The following ZNRF1 variants were observed in gnomAD, a reference collection of about 807,000 sequenced individuals.
ZNRF1 encodes zinc and ring finger 1.
In ZNRF1, 3 loss-of-function variants were observed where a neutral mutation model predicts 18.4. The ratio of observed to expected loss-of-function variants is 0.16; its 90% CI spans 0.07 to 0.42. The LOEUF (loss-of-function observed/expected upper bound fraction) is 0.42, where lower values mean the gene tolerates loss of function less well. ZNRF1 is among the 10% of genes least tolerant of loss of function. The probability of loss-of-function intolerance (pLI) is 0.99; values close to 1 mark genes in which losing one functional copy is unlikely to be tolerated. For synonymous variants in ZNRF1, 157 were observed against 144.2 expected (o/e 1.09, Z -0.64); for missense variants, 310 against 329.8 (o/e 0.94, Z 0.47).
chr16:75,055,041 C>G (rs929958682), intron 1 of ZNRF1, among the ~76,000 whole-genome samples: 1 of 152,138 alleles, frequency 6.6e-6, no homozygotes, highest in Admixed American at 6.6e-5. Context: ...GAAAGACGGC[C>G]CTTTGTAACA....
chr16:75,018,635 A>G (rs1160248405), intron 1 of ZNRF1, among the ~76,000 whole-genome samples: 6 of 152,050 alleles, frequency 3.9e-5, no homozygotes, highest in East Asian at 1.9e-4. Flanking sequence ...TTTTCCTTGT[A>G]TTTATTCAGA....
intron 2 of ZNRF1, among the ~76,000 whole-genome samples, chr16:75,102,281 G>T (rs572662736): frequency 2.0e-5 from 3 of 152,216 alleles, no homozygotes; most frequent in African/African-American, 7.2e-5. Flanking sequence ...GAGGGTCCCA[G>T]TCCCAGCCCC....
At chr16:75,021,120 A>G (rs1386416094) in intron 1 of ZNRF1, among the ~76,000 whole-genome samples, 1 of 152,104 alleles carries the variant, frequency 6.6e-6, no homozygotes, top group Non-Finnish European at 1.5e-5. Context: ...AGCTCAGTGC[A>G]ACGTCCACCT....
At chr16:75,085,685 C>T (rs1024090300) in intron 1 of ZNRF1, among the ~76,000 whole-genome samples, 18 of 151,780 alleles carry the variant, frequency 1.2e-4, no homozygotes, top group East Asian at 3.9e-4. Flanking sequence ...ACATCTTCAC[C>T]GACATTACCA....
At chr16:75,080,101 A>C (rs2035991307) in intron 1 of ZNRF1, among the ~76,000 whole-genome samples, 1 of 152,134 alleles carries the variant, frequency 6.6e-6, no homozygotes, top group Admixed American at 6.5e-5. Flanking sequence ...TACTTAGTAG[A>C]GATGGGGTTT....
intron 1 of ZNRF1, 121 bp downstream of exon 1, chr16:75,000,216 G>T: frequency 7.2e-7 from 1 of 1,381,182 alleles, no homozygotes; most frequent in Non-Finnish European, 1.0e-6. Context: ...ATTCCCTTTG[G>T]TTCCCGATGC....
At chr16:75,001,616 A>T (rs1412280155) in intron 1 of ZNRF1, among the ~76,000 whole-genome samples, 3 of 152,172 alleles carry the variant, frequency 2.0e-5, no homozygotes, top group Non-Finnish European at 4.4e-5. Context: ...TTTTGAGATG[A>T]CTAGTTTGGT....
intron 2 of ZNRF1, among the ~76,000 whole-genome samples, chr16:75,102,818 C>G (rs954145235): frequency 5.3e-5 from 8 of 152,222 alleles, no homozygotes; most frequent in Non-Finnish European, 1.0e-4. Context: ...ATGCTTTCCT[C>G]CTGGGCACCC....
rs151169347 is a variant in ZNRF1, at chr16:75,077,736, G to A, written c.425-15836G>A. On this transcript the variant is annotated intron_variant, in intron 1 of 4. Transcript: ENST00000335325. ...TGTCTGCAGTGCTGTGCTGCTTCTG[G>A]AGGCTCTAGGGGAGAATCCATTTCC... Among the ~76,000 whole-genome samples, 385 of 152,240 alleles carry A rather than the reference G, an allele frequency of 2.5e-3. 7 individuals are homozygous for A. Among genetic ancestry groups the A allele is most frequent in the Non-Finnish European group, 8.4e-4 (57 of 68,016 alleles).
At chr16:75,040,282 C>T (rs8062136) in intron 1 of ZNRF1, among the ~76,000 whole-genome samples, 133,004 of 151,628 alleles carry the variant, frequency 0.88, 58,780 homozygotes, top group Non-Finnish European at 0.93. Context: ...AAAACAAGGG[C>T]GTCACTCTGC....
chr16:75,058,106 CTTT>C (rs35226969), intron 1 of ZNRF1, among the ~76,000 whole-genome samples: 12 of 140,226 alleles, frequency 8.6e-5, no homozygotes, highest in Non-Finnish European at 1.1e-4. Flanking sequence ...CTTTCCTTTT[CTTT>C]TTTTTTTTTT....
chr16:75,007,882 T>C (rs2034942721), intron 1 of ZNRF1, among the ~76,000 whole-genome samples: 1 of 152,182 alleles, frequency 6.6e-6, no homozygotes, highest in Non-Finnish European at 1.5e-5. Flanking sequence ...TATTTTTCTT[T>C]AGAGAAAGGT....
intron 1 of ZNRF1, among the ~76,000 whole-genome samples, chr16:75,090,443 C>T (rs2036123692): frequency 6.6e-6 from 1 of 152,156 alleles, no homozygotes; most frequent in South Asian, 2.1e-4. Context: ...GTCTCAAACT[C>T]CTGAGTCCAA....
In ZNRF1 at chr16:75,000,115, A is replaced by G. The variant is rs768798191; in HGVS notation, c.424+20A>G. ...ATAGTGGTGAGTCCGCGGGTGGTGG[A>G]GGCCTCGGAGGGAGGGCGCGCCGGG... On this transcript the variant is annotated intron_variant, in intron 1 of 4. Coordinates refer to ENST00000335325, the MANE Select transcript of ZNRF1 (RefSeq NM_032268.5). 1 of 1,589,404 alleles carries G rather than the reference A, an allele frequency of 6.3e-7. No individual in the cohort carries two copies. Among genetic ancestry groups the G allele is most frequent in the South Asian group, 1.1e-5 (1 of 87,138 alleles).
At chr16:75,040,629 A>G (rs1340207029) in intron 1 of ZNRF1, among the ~76,000 whole-genome samples, 1 of 89,632 alleles carries the variant, frequency 1.1e-5, no homozygotes, top group Non-Finnish European at 2.0e-5. Flanking sequence ...TTTTTGAGAC[A>G]GAGTTTTGCT....
Position 75,058,086 on chromosome 16 carries a change from G to A in ZNRF1, c.425-35486G>A, listed in dbSNP as rs534136871. On this transcript the variant is annotated intron_variant, in intron 1 of 4. Coordinates refer to ENST00000335325, the MANE Select transcript of ZNRF1 (RefSeq NM_032268.5). Reference sequence around the variant, plus strand: ...CTCTAAATACACTGATACTTGACCTGCCCTTTTTCCTTTCCTTTTCTTTTT... The same window carrying A: ...CTCTAAATACACTGATACTTGACCTACCCTTTTTCCTTTCCTTTTCTTTTT... Among the ~76,000 whole-genome samples, 14 of 146,274 alleles carry A rather than the reference G, an allele frequency of 9.6e-5. No individual in the cohort carries two copies. In the East Asian group the frequency reaches 2.4e-3, roughly 25 times the overall value.
intron 1 of ZNRF1, among the ~76,000 whole-genome samples, chr16:75,091,921 G>A (rs957366265): frequency 1.3e-5 from 2 of 152,056 alleles, no homozygotes; most frequent in African/African-American, 2.4e-5. Flanking sequence ...ATAAACAGTC[G>A]ATTAAGATGG....
chr16:75,070,061 C>G (rs2035851567), intron 1 of ZNRF1, among the ~76,000 whole-genome samples: 1 of 152,222 alleles, frequency 6.6e-6, no homozygotes, highest in Non-Finnish European at 1.5e-5. Flanking sequence ...AATCCATACA[C>G]TTTCTGCCAG....
intron 2 of ZNRF1, among the ~76,000 whole-genome samples, chr16:75,099,505 C>T (rs576782984): frequency 1.1e-4 from 16 of 152,186 alleles, no homozygotes; most frequent in Non-Finnish European, 2.2e-4. Context: ...GACACCATCC[C>T]CAGCCAGGCC....
Sources: gnomAD v4.1 joint callset for allele counts (sites outside exome capture counted in the v4.1 genomes callset) on GRCh38, gnomAD v4.1.1 for gene constraint, MANE v1.5 for transcripts, NCBI Gene and HGNC (gene_info 2026-07-23, HGNC 2026-07-21) for gene names.